Variants in AAK1 observed in about 807,000 individuals in gnomAD.
AAK1 encodes the protein AP2 associated kinase 1, also known as AP2-associated protein kinase 1.
In AAK1, 37 loss-of-function variants were observed where a neutral mutation model predicts 116.0. The ratio of observed to expected loss-of-function variants is 0.32; its 90% CI spans 0.25 to 0.42. AAK1 has a LOEUF of 0.42. Among genes scored for constraint, AAK1 ranks in the 10% least tolerant of loss-of-function variants. The probability of loss-of-function intolerance (pLI) is 1.00; values close to 1 mark genes in which losing one functional copy is unlikely to be tolerated. For missense variants in AAK1, 919 were observed against 1,170.6 expected (o/e 0.79, Z 3.14); for synonymous variants, 458 against 439.9 (o/e 1.04, Z -0.51).
intron 12 of AAK1, 119 bp from the exon 13 acceptor site, chr2:69,514,868 G>C (rs753441456): frequency 5.0e-6 from 6 of 1,192,864 alleles, no homozygotes; most frequent in Non-Finnish European, 6.8e-6. Flanking sequence ...AAGTAGAAAA[G>C]TCTTGAGGCT....
At chr2:69,612,728 G>C (rs1674143669) in intron 2 of AAK1, among the ~76,000 whole-genome samples, 1 of 152,134 alleles carries the variant, frequency 6.6e-6, no homozygotes, top group Admixed American at 6.5e-5. Context: ...CCAATCCTTG[G>C]AAAATGAAAA....
chr2:69,624,763 T>C lies in AAK1; in HGVS notation c.163+18115A>G, dbSNP rs144275483. On this transcript the variant is annotated intron_variant, in intron 2 of 21. Transcript: ENST00000409085. Reference sequence around the variant, plus strand: ...TCTCCAGCAGAGCCCTACTGAGATATAAGCACATCCAGCACTGAACAGTGA... The same window carrying C: ...TCTCCAGCAGAGCCCTACTGAGATACAAGCACATCCAGCACTGAACAGTGA... Among the ~76,000 whole-genome samples the C allele has an allele frequency of 2.6e-4, 39 of 152,310 alleles. No individual in the cohort carries two copies. In the East Asian group the frequency reaches 5.0e-3, roughly 20 times the overall value.
rs1292496274 is a variant in AAK1, at chr2:69,473,042, A to C, written c.*2827T>G. On this transcript the variant is annotated 3_prime_UTR_variant, in exon 22 of 22. Coordinates refer to ENST00000409085, the MANE Select transcript of AAK1 (RefSeq NM_014911.5). Reference sequence around the variant, plus strand: ...AATCCTTCATAGCCCTTCTCAATATAATAATATATACTTAGGACCCTATAC... The same window carrying C: ...AATCCTTCATAGCCCTTCTCAATATCATAATATATACTTAGGACCCTATAC... The C allele has an allele frequency of 1.0e-6, 1 of 968,602 alleles. No individual in the cohort carries two copies. Among genetic ancestry groups the C allele is most frequent in the Non-Finnish European group, 1.2e-6 (1 of 814,292 alleles). The allele number at this position is 968,602 out of a possible 1,614,324, so 60.0% of individuals were successfully genotyped here.
chr2:69,619,180 T>C (rs1291050705), intron 2 of AAK1, among the ~76,000 whole-genome samples: 1 of 152,204 alleles, frequency 6.6e-6, no homozygotes, highest in African/African-American at 2.4e-5. Flanking sequence ...GTCCTTTCCT[T>C]GTCCTTGGTT....
intron 17 of AAK1, among the ~76,000 whole-genome samples, chr2:69,486,470 A>G (rs755283899): frequency 6.6e-6 from 1 of 152,052 alleles, no homozygotes; most frequent in Non-Finnish European, 1.5e-5. Context: ...CAAATACCAG[A>G]AATGTGGGAG....
At chr2:69,544,744 C>A (rs1670856606) in intron 3 of AAK1, among the ~76,000 whole-genome samples, 200 bp from the exon 4 acceptor site, 2 of 152,124 alleles carry the variant, frequency 1.3e-5, no homozygotes, top group South Asian at 2.1e-4. Flanking sequence ...ATTCCATAAC[C>A]CTACTAAACC....
intron 2 of AAK1, among the ~76,000 whole-genome samples, chr2:69,612,293 T>C (rs989665928): frequency 1.3e-5 from 2 of 152,258 alleles, no homozygotes; most frequent in Non-Finnish European, 2.9e-5. Context: ...ATTATGTATG[T>C]AACCACAACT....
Position 69,613,478 on chromosome 2 carries a change from G to A in AAK1, c.163+29400C>T, listed in dbSNP as rs569626956. On this transcript the variant is annotated intron_variant, in intron 2 of 21. Transcript: ENST00000409085. The stretch of plus-strand genomic sequence containing the variant: ...TGGCTGGGCTTCCTAGGTAGCTTCC[G>A]GATGGGGGCTGGTTGGCAGGGAACT... Among the ~76,000 whole-genome samples the A allele has an allele frequency of 1.9e-3, 287 of 152,224 alleles. 1 individual carries two copies. Among genetic ancestry groups the A allele is most frequent in the African/African-American group, 5.4e-3 (225 of 41,518 alleles).
intron 2 of AAK1, among the ~76,000 whole-genome samples, chr2:69,616,352 T>G (rs751015387): frequency 6.6e-6 from 1 of 152,158 alleles, no homozygotes; most frequent in Non-Finnish European, 1.5e-5. Flanking sequence ...AAATGGTTAA[T>G]TATGTTATGT....
intron 8 of AAK1, 132 bp downstream of exon 8, chr2:69,529,876 C>A (rs1670181880): frequency 1.2e-6 from 1 of 861,386 alleles, no homozygotes; most frequent in East Asian, 2.9e-5. Context: ...TCTTTGAGTT[C>A]CCAATCATTA....
At chr2:69,602,360 T>C (rs901386019) in intron 2 of AAK1, among the ~76,000 whole-genome samples, 1 of 152,074 alleles carries the variant, frequency 6.6e-6, no homozygotes, top group African/African-American at 2.4e-5. Flanking sequence ...ATCTATACTT[T>C]GTTTTTTATT....
At chr2:69,548,818 T>C (rs1373419378) in intron 3 of AAK1, among the ~76,000 whole-genome samples, 2 of 152,052 alleles carry the variant, frequency 1.3e-5, no homozygotes, top group Non-Finnish European at 2.9e-5. Flanking sequence ...TTGGCCAGGA[T>C]GGTCTCGATC....
intron 2 of AAK1, among the ~76,000 whole-genome samples, chr2:69,630,354 G>A (rs1675118794): frequency 7.9e-6 from 1 of 127,342 alleles, no homozygotes; most frequent in Admixed American, 7.9e-5. Context: ...GGGGGAGGGG[G>A]AGGGAGAGGG....
At chr2:69,505,134 C>T in intron 16 of AAK1, among the ~76,000 whole-genome samples, 1 of 88,456 alleles carries the variant, frequency 1.1e-5, no homozygotes, top group Non-Finnish European at 2.1e-5. Context: ...CGCACACACA[C>T]CCACACACAC....
intron 2 of AAK1, among the ~76,000 whole-genome samples, chr2:69,641,687 G>A (rs564266722): frequency 3.3e-5 from 5 of 152,028 alleles, no homozygotes; most frequent in African/African-American, 1.2e-4. Flanking sequence ...CCACCAGCCC[G>A]CAACATCCAC....
chr2:69,563,750 G>C (rs1671746238), intron 2 of AAK1, among the ~76,000 whole-genome samples: 1 of 152,168 alleles, frequency 6.6e-6, no homozygotes, highest in Non-Finnish European at 1.5e-5. Context: ...ACTTAAAGCA[G>C]AAAACAAGCA....
At chr2:69,571,808 T>C (rs1002320810) in intron 2 of AAK1, among the ~76,000 whole-genome samples, 63 of 152,170 alleles carry the variant, frequency 4.1e-4, no homozygotes, top group African/African-American at 1.4e-3. Context: ...CAGGGGTACA[T>C]GGCTTGCACT....
rs1411102443 is a variant in AAK1 at position 69,471,116 on chromosome 2, AC to A, written c.*4752del. 1 of 985,706 alleles carries A rather than the reference AC, an allele frequency of 1.0e-6. No individual in the cohort carries two copies. Among genetic ancestry groups the A allele is most frequent in the East Asian group, 1.1e-4 (1 of 8,832 alleles). 61.1% of individuals were successfully genotyped at this position (985,706 alleles called of 1,614,324 possible). A position where few individuals can be genotyped will look rare whatever the true frequency, so the allele number is the denominator to read the frequency against. On this transcript the variant is annotated 3_prime_UTR_variant, in exon 22 of 22. Transcript: ENST00000409085. ...AAAGACCTATGATAAACACACATCC[AC>A]ATGACAAAGGAGAGTGCAATAGGGC...
chr2:69,497,393 C>T (rs186513328), intron 16 of AAK1, among the ~76,000 whole-genome samples: 1 of 147,804 alleles, frequency 6.8e-6, no homozygotes, highest in Non-Finnish European at 1.5e-5. Context: ...AGCTCTGCCT[C>T]CCAGGTTCAA....
Sources: gnomAD v4.1 joint callset for allele counts (sites outside exome capture counted in the v4.1 genomes callset) on GRCh38, gnomAD v4.1.1 for gene constraint, MANE v1.5 for transcripts, NCBI Gene and HGNC (gene_info 2026-07-23, HGNC 2026-07-21) for gene names.